ARID5B: variants seen among roughly 807,000 people sequenced by gnomAD.
ARID5B encodes AT-rich interactive domain-containing protein 5B.
Under a neutral mutation model 97.2 loss-of-function variants are expected in ARID5B, and 13 were observed. That is an observed-to-expected ratio of 0.13 (90% CI 0.09 to 0.21). The LOEUF (loss-of-function observed/expected upper bound fraction) is 0.21. Ranked by LOEUF, ARID5B falls within the 10% of genes least tolerant of loss-of-function variation. The pLI, the probability that ARID5B is intolerant of heterozygous loss-of-function variation, is 1.00. For missense variants in ARID5B, 1,210 were observed against 1,465.3 expected, an observed-to-expected ratio of 0.83 and a Z score of 2.84; for synonymous variants, 556 against 570.3, an observed-to-expected ratio of 0.97 and a Z score of 0.36.
At chr10:62,005,439 C>A (rs1839134260) in intron 4 of ARID5B, among the ~76,000 whole-genome samples, 1 of 152,208 alleles carries the variant, frequency 6.6e-6, no homozygotes, top group South Asian at 2.1e-4. Context: ...ATATGTCTTG[C>A]ACAACTCATA....
intron 3 of ARID5B, among the ~76,000 whole-genome samples, chr10:61,985,464 C>T (rs1371101707): frequency 6.7e-6 from 1 of 150,332 alleles, no homozygotes; most frequent in African/African-American, 2.4e-5. Context: ...ATGTTAAATC[C>T]TTTTTTTTTA....
At chr10:61,956,261 T>C (rs746310505) in intron 3 of ARID5B, among the ~76,000 whole-genome samples, 1 of 152,154 alleles carries the variant, frequency 6.6e-6, no homozygotes, top group Admixed American at 6.5e-5. Context: ...ACAAACCCTA[T>C]TGTGAACTGT....
intron 3 of ARID5B, among the ~76,000 whole-genome samples, chr10:61,952,661 T>C (rs1053299725): frequency 1.3e-5 from 2 of 152,196 alleles, no homozygotes; most frequent in East Asian, 1.9e-4. Context: ...CACTCTCTAG[T>C]GGAGAGGCTG....
In ARID5B at chr10:61,909,318, G is replaced by GTTTTTTTTTTTTTTT. The variant is rs777612375; in HGVS notation, c.276+6916_276+6930dup. 6.5e-5 allele frequency among the ~76,000 whole-genome samples: 5 copies of GTTTTTTTTTTTTTTT among 77,242 alleles called. 2 individuals are homozygous for GTTTTTTTTTTTTTTT. The highest frequency in any genetic ancestry group is 1.0e-4 in the African/African-American group (2 of 19,128). The allele number at this position is 77,242 out of a possible 152,430, so 50.7% of individuals were successfully genotyped here. ...TGCAATATTTAGTGCTATTCAGTGA[G>GTTTTTTTTTTTTTTT]TTTTTTTTTTTTTTTTTTTTTTTTT... On this transcript the variant is annotated intron_variant, in intron 2 of 9. Coordinates refer to ENST00000279873, the MANE Select transcript of ARID5B (RefSeq NM_032199.3).
At chr10:61,908,820 A>AAAAAAAAAAGAAG (rs1251041161) in intron 2 of ARID5B, among the ~76,000 whole-genome samples, 28 of 146,244 alleles carry the variant, frequency 1.9e-4, no homozygotes, top group African/African-American at 6.9e-4. Context: ...AAAAAAAAAA[A>AAAAAAAAAAGAAG]AAGAAGAAGA....
At chr10:61,991,660 A>C (rs1482064041) in intron 3 of ARID5B, among the ~76,000 whole-genome samples, 5 of 152,124 alleles carry the variant, frequency 3.3e-5, no homozygotes, top group African/African-American at 1.2e-4. Context: ...TGATGCACAA[A>C]AGCTTTTAAT....
At chr10:62,050,830 T>A (rs1194394671) in intron 4 of ARID5B, 58 bp from the exon 5 acceptor site, 1 of 1,450,828 alleles carries the variant, frequency 6.9e-7, no homozygotes, top group East Asian at 2.3e-5. Context: ...TCTGGGTCTT[T>A]AATAAAGAAA....
chr10:62,087,693 T>C (rs943200159), intron 9 of ARID5B, among the ~76,000 whole-genome samples: 13 of 152,166 alleles, frequency 8.5e-5, no homozygotes, highest in African/African-American at 2.7e-4. Context: ...AAATTGCACA[T>C]GTACAACACG....
intron 8 of ARID5B, among the ~76,000 whole-genome samples, chr10:62,079,913 C>A (rs935798915): frequency 6.6e-6 from 1 of 152,132 alleles, no homozygotes; most frequent in Non-Finnish European, 1.5e-5. Context: ...TATATTTCAT[C>A]GTTGTTAATA....
chr10:62,046,841 C>G (rs1839714427), intron 4 of ARID5B: 1 of 152,114 alleles, frequency 6.6e-6, no homozygotes, highest in East Asian at 1.9e-4. Flanking sequence ...AAAGGGGACC[C>G]CACTCGCTGT....
intron 8 of ARID5B, among the ~76,000 whole-genome samples, chr10:62,081,666 T>C (rs941872560): frequency 5.9e-5 from 9 of 152,250 alleles, no homozygotes; most frequent in African/African-American, 2.2e-4. Context: ...TTTTAGACTT[T>C]GTAAATATAA....
chr10:61,921,838 G>A (rs1844020779), intron 2 of ARID5B, among the ~76,000 whole-genome samples: 1 of 151,842 alleles, frequency 6.6e-6, no homozygotes, highest in Non-Finnish European at 1.5e-5. Context: ...TTTATTAGTT[G>A]TTTATCTATT....
intron 3 of ARID5B, among the ~76,000 whole-genome samples, chr10:61,974,421 TC>T (rs1838672408): frequency 6.6e-6 from 1 of 152,064 alleles, no homozygotes; most frequent in Non-Finnish European, 1.5e-5. Flanking sequence ...AACAAATCTT[TC>T]CCCCTCTTCC....
At chr10:61,902,519 C>A in intron 2 of ARID5B, 106 bp downstream of exon 2, 1 of 1,445,392 alleles carries the variant, frequency 6.9e-7, no homozygotes, top group Non-Finnish European at 9.3e-7. Flanking sequence ...TGCAGGCAAG[C>A]AGGATCGACT....
chr10:62,047,106 T>G (rs1279994205), intron 4 of ARID5B: 2 of 152,194 alleles, frequency 1.3e-5, no homozygotes, highest in African/African-American at 4.8e-5. Context: ...TTGAAATCCT[T>G]CTGCTGCCAG....
At chr10:62,009,566 C>T (rs1435314028) in intron 4 of ARID5B, among the ~76,000 whole-genome samples, 1 of 152,118 alleles carries the variant, frequency 6.6e-6, no homozygotes, top group African/African-American at 2.4e-5. Context: ...TGGCATGTTG[C>T]TGAAGTAGGG....
At chr10:62,090,755 A>G in intron 9 of ARID5B, 107 bp from the exon 10 acceptor site, 1 of 1,385,236 alleles carries the variant, frequency 7.2e-7, no homozygotes, top group Non-Finnish European at 9.6e-7. Flanking sequence ...GAGCTGATTG[A>G]CAAGCCTGTT....
At chr10:61,947,201 C>T (rs548840322) in intron 3 of ARID5B, among the ~76,000 whole-genome samples, 5 of 151,388 alleles carry the variant, frequency 3.3e-5, no homozygotes, top group Non-Finnish European at 7.4e-5. Context: ...CAAGAATCTG[C>T]ATCCAAGATA....
intron 4 of ARID5B, chr10:62,049,579 C>A: frequency 1.4e-5 from 21 of 1,490,828 alleles, no homozygotes; most frequent in Middle Eastern, 1.7e-4. Flanking sequence ...TTCAGACCAG[C>A]GTTTAGGGGA....
Sources: allele counts gnomAD v4.1 joint callset (sites outside exome capture counted in the v4.1 genomes callset), GRCh38; gene constraint gnomAD v4.1.1; transcripts MANE v1.5; gene names NCBI Gene and HGNC (gene_info 2026-07-23, HGNC 2026-07-21).